MACROD1: variants seen among roughly 807,000 people sequenced by gnomAD.
MACROD1 encodes the protein mono-ADP ribosylhydrolase 1.
In MACROD1, 31 loss-of-function variants were observed where a neutral mutation model predicts 41.4. The ratio of observed to expected loss-of-function variants is 0.75; its 90% CI spans 0.56 to 1.01. The LOEUF (loss-of-function observed/expected upper bound fraction) is 1.01. Ranked by LOEUF, MACROD1 falls within the 50% of genes least tolerant of loss-of-function variation. The pLI, the probability that MACROD1 is intolerant of heterozygous loss-of-function variation, is 0.00. For synonymous variants in MACROD1, 252 were observed against 203.4 expected (o/e 1.24, Z -2.03); for missense variants, 473 against 460.0 (o/e 1.03, Z -0.26).
intron 3 of MACROD1, among the ~76,000 whole-genome samples, chr11:64,144,127 C>T (rs1310346490): frequency 6.6e-6 from 1 of 151,798 alleles, no homozygotes; most frequent in Admixed American, 6.6e-5. Context: ...CCAGACCCCT[C>T]AGAGCCTTCC....
At chr11:64,121,752 G>A (rs1945101690) in intron 3 of MACROD1, among the ~76,000 whole-genome samples, 3 of 152,310 alleles carry the variant, frequency 2.0e-5, no homozygotes, top group Middle Eastern at 3.4e-3. Context: ...GGGAACGTCC[G>A]CGGCTGGGCT....
intron 2 of MACROD1, among the ~76,000 whole-genome samples, 187 bp downstream of exon 2, chr11:64,152,105 C>T (rs937070733): frequency 7.2e-5 from 11 of 152,074 alleles, no homozygotes; most frequent in African/African-American, 9.7e-5. Context: ...CTCCAGCCTG[C>T]GCAAAAAGAG....
chr11:64,025,036 G>T (rs748199054), intron 3 of MACROD1, among the ~76,000 whole-genome samples: 3 of 152,110 alleles, frequency 2.0e-5, no homozygotes, highest in Non-Finnish European at 2.9e-5. Context: ...GAGTGCAGTG[G>T]TGCTACCTGG....
At chr11:64,112,341 C>T (rs1944877990) in intron 3 of MACROD1, among the ~76,000 whole-genome samples, 1 of 151,994 alleles carries the variant, frequency 6.6e-6, no homozygotes, top group Non-Finnish European at 1.5e-5. Context: ...GTGAGACCCC[C>T]GTCTCTACTA....
intron 3 of MACROD1, among the ~76,000 whole-genome samples, chr11:64,040,008 C>G (rs1449365497): frequency 6.6e-6 from 1 of 152,234 alleles, no homozygotes; most frequent in African/African-American, 2.4e-5. Flanking sequence ...TTCCCTCACT[C>G]CTTCCCTCCT....
At chr11:63,999,230 G>A in intron 8 of MACROD1, 101 bp downstream of exon 8, 2 of 1,446,546 alleles carry the variant, frequency 1.4e-6, no homozygotes, top group East Asian at 2.5e-5. Context: ...GAAGGGGCGG[G>A]CCTGGCCCTG....
intron 3 of MACROD1, chr11:64,148,706 G>C: frequency 1.0e-6 from 1 of 984,696 alleles, no homozygotes; most frequent in African/African-American, 1.7e-5. Context: ...TGGGTTTCAC[G>C]AGGCACAGAC....
At chr11:64,106,183 A>T (rs951288072) in intron 3 of MACROD1, among the ~76,000 whole-genome samples, 1 of 152,130 alleles carries the variant, frequency 6.6e-6, no homozygotes, top group Non-Finnish European at 1.5e-5. Context: ...AGCTCCAGAC[A>T]TCGAGTCTGA....
chr11:64,023,967 G>C (rs540011537), intron 3 of MACROD1, among the ~76,000 whole-genome samples: 50 of 152,164 alleles, frequency 3.3e-4, no homozygotes, highest in African/African-American at 1.2e-3. Flanking sequence ...TGGCTGCCTG[G>C]GCCCCTGGAG....
intron 3 of MACROD1, among the ~76,000 whole-genome samples, chr11:64,042,637 G>A (rs568265223): frequency 2.0e-3 from 300 of 152,244 alleles, no homozygotes; most frequent in South Asian, 0.011. Context: ...GCCTCACTGG[G>A]GCTGCATGCC....
At chr11:64,014,976 G>T (rs1347672031) in intron 4 of MACROD1, among the ~76,000 whole-genome samples, 7 of 152,222 alleles carry the variant, frequency 4.6e-5, no homozygotes, top group Admixed American at 4.6e-4. Context: ...TCAAGGTCAG[G>T]GCTGGGTTTT....
intron 3 of MACROD1, among the ~76,000 whole-genome samples, chr11:64,073,070 C>T (rs752804231): frequency 5.9e-5 from 9 of 152,216 alleles, no homozygotes; most frequent in Admixed American, 1.3e-4. Flanking sequence ...CACAGAGCCA[C>T]TTGTCCCTGC....
chr11:64,088,186 G>C (rs559862853), intron 3 of MACROD1, among the ~76,000 whole-genome samples: 1 of 152,328 alleles, frequency 6.6e-6, no homozygotes, highest in South Asian at 2.1e-4. Flanking sequence ...AAAGCAGCCA[G>C]ACTCCTCCAG....
At chr11:64,139,480 G>A (rs575857879) in intron 3 of MACROD1, among the ~76,000 whole-genome samples, 6 of 152,300 alleles carry the variant, frequency 3.9e-5, no homozygotes, top group Admixed American at 2.0e-4. Context: ...GTCCAGGGAC[G>A]GAGACCCAGA....
intron 1 of MACROD1, among the ~76,000 whole-genome samples, chr11:64,158,464 G>A (rs756749240): frequency 1.3e-5 from 2 of 151,926 alleles, no homozygotes; most frequent in South Asian, 2.1e-4. Flanking sequence ...GGCTGGTCTC[G>A]AACTCCTGGG....
chr11:64,029,270 C>G (rs772805850), intron 3 of MACROD1, among the ~76,000 whole-genome samples: 3 of 152,250 alleles, frequency 2.0e-5, no homozygotes, highest in Non-Finnish European at 2.9e-5. Flanking sequence ...GCAGCTCACA[C>G]GGGCAGAGGA....
chr11:64,135,304 C>T (rs1001629088), intron 3 of MACROD1, among the ~76,000 whole-genome samples: 3 of 152,226 alleles, frequency 2.0e-5, no homozygotes, highest in Non-Finnish European at 4.4e-5. Flanking sequence ...ATTCCAGGCC[C>T]CCTCCCGGTC....
chr11:63,998,851 G>A lies in MACROD1; in HGVS notation c.*17C>T, dbSNP rs1477020459. On this transcript the variant is annotated 3_prime_UTR_variant, in exon 10 of 11. Coordinates refer to ENST00000255681, the MANE Select transcript of MACROD1 (RefSeq NM_014067.4). Reference sequence around the variant, plus strand: ...GGCCCTGCTTACCAGTCCCGGTCAGGGTGGGCTGCGGGAGCCTCAGGCTGG... The same window carrying A: ...GGCCCTGCTTACCAGTCCCGGTCAGAGTGGGCTGCGGGAGCCTCAGGCTGG... 1.3e-6 allele frequency: 2 copies of A among 1,588,648 alleles called. No individual in the cohort carries two copies. Among genetic ancestry groups the A allele is most frequent in the Admixed American group, 1.7e-5 (1 of 57,534 alleles).
intron 3 of MACROD1, among the ~76,000 whole-genome samples, chr11:64,040,002 C>T (rs1943454718): frequency 6.6e-6 from 1 of 152,230 alleles, no homozygotes; most frequent in South Asian, 2.1e-4. Flanking sequence ...TTTCCCTTCC[C>T]TCACTCCTTC....
Sources: gnomAD v4.1 joint callset for allele counts (sites outside exome capture counted in the v4.1 genomes callset) on GRCh38, gnomAD v4.1.1 for gene constraint, MANE v1.5 for transcripts, NCBI Gene and HGNC (gene_info 2026-07-23, HGNC 2026-07-21) for gene names.